Variants in SIPA1L1 observed in about 807,000 individuals in gnomAD.
The protein encoded by SIPA1L1 is signal induced proliferation associated 1 like 1, also known as signal-induced proliferation-associated 1-like protein 1.
In SIPA1L1, 26 loss-of-function variants were observed where a neutral mutation model predicts 162.7. That is an observed-to-expected ratio of 0.16 (90% CI 0.12 to 0.22). The LOEUF (loss-of-function observed/expected upper bound fraction) is 0.22. Ranked by LOEUF, SIPA1L1 falls within the 10% of genes least tolerant of loss-of-function variation. SIPA1L1 has a pLI of 1.00. For missense variants in SIPA1L1, 1,874 were observed against 2,241.0 expected (o/e 0.84, Z 3.31); for synonymous variants, 829 against 837.4 (o/e 0.99, Z 0.17).
Position 71,740,998 on chromosome 14 carries a change from C to A in SIPA1L1, c.*1837C>A, listed in dbSNP as rs566948796. 1 of 152,252 alleles carries A rather than the reference C, an allele frequency of 6.6e-6. No homozygotes were observed. Among genetic ancestry groups the A allele is most frequent in the South Asian group, 2.1e-4 (1 of 4,830 alleles). The allele number at this position is 152,252 out of a possible 1,614,324, so 9.4% of individuals were successfully genotyped here. A position where few individuals can be genotyped will look rare whatever the true frequency, so the allele number is the denominator to read the frequency against. On this transcript the variant is annotated 3_prime_UTR_variant, in exon 24 of 24. Transcript: ENST00000381232. ...TCTTGTTTGAAGCCTCTAAAGACTACCTGTAAAATTCAAAGAATAAAATTC... is the reference window on the plus strand; with the variant it reads ...TCTTGTTTGAAGCCTCTAAAGACTAACTGTAAAATTCAAAGAATAAAATTC...
intron 3 of SIPA1L1, among the ~76,000 whole-genome samples, chr14:71,520,093 C>A (rs2052160579): frequency 6.6e-6 from 1 of 151,996 alleles, no homozygotes; most frequent in African/African-American, 2.4e-5. Flanking sequence ...CAGAGCAAGA[C>A]CCTGTCTCAA....
intron 21 of SIPA1L1, 33 bp from the exon 22 acceptor site, chr14:71,735,244 A>C (rs760001749): frequency 6.7e-7 from 1 of 1,501,674 alleles, no homozygotes. Context: ...ATGTGGTTCC[A>C]AAATACTAAA....
chr14:71,499,231 A>G (rs1246055204), intron 2 of SIPA1L1, among the ~76,000 whole-genome samples: 1 of 152,170 alleles, frequency 6.6e-6, no homozygotes, highest in Non-Finnish European at 1.5e-5. Context: ...GCCTGTAGCT[A>G]CCTGGTAGGG....
chr14:71,417,161 G>T (rs2042830337), intron 2 of SIPA1L1, among the ~76,000 whole-genome samples: 1 of 152,024 alleles, frequency 6.6e-6, no homozygotes, highest in African/African-American at 2.4e-5. Context: ...TATGTTATAT[G>T]TATTATATAC....
intron 2 of SIPA1L1, among the ~76,000 whole-genome samples, chr14:71,373,310 C>CAAA (rs75480788): frequency 2.7e-5 from 2 of 74,116 alleles, no homozygotes; most frequent in South Asian, 3.8e-4. Context: ...GACTCCGTCT[C>CAAA]AAAAAAAAAA....
intron 12 of SIPA1L1, among the ~76,000 whole-genome samples, chr14:71,682,511 T>C (rs1006322558): frequency 1.3e-5 from 2 of 152,258 alleles, no homozygotes; most frequent in Non-Finnish European, 1.5e-5. Context: ...CAGAACCTTC[T>C]GTGCTTATTC....
chr14:71,610,798 C>T (rs1428654229), intron 5 of SIPA1L1, among the ~76,000 whole-genome samples: 1 of 152,020 alleles, frequency 6.6e-6, no homozygotes, highest in Non-Finnish European at 1.5e-5. Context: ...AATTAGAGGC[C>T]TATTAGGTGC....
At chr14:71,366,092 A>G (rs897749942) in intron 2 of SIPA1L1, among the ~76,000 whole-genome samples, 1 of 152,114 alleles carries the variant, frequency 6.6e-6, no homozygotes, top group Admixed American at 6.6e-5. Context: ...AAGTCCTGAT[A>G]GCCCAGACCA....
intron 13 of SIPA1L1, among the ~76,000 whole-genome samples, chr14:71,691,473 A>C (rs1430161015): frequency 1.3e-5 from 2 of 152,158 alleles, no homozygotes; most frequent in African/African-American, 4.8e-5. Context: ...ACATGCCTGT[A>C]GTCTCAGCTA....
chr14:71,566,520 G>A lies in SIPA1L1; in HGVS notation c.-302-21051G>A, dbSNP rs150150289. Among the ~76,000 whole-genome samples the A allele has an allele frequency of 6.7e-4, 102 of 152,232 alleles. 1 individual carries two copies. The East Asian group carries it at 0.018, about 27-fold the overall frequency. ...TTGAATTGGTGTGGCATTAGCACAC[G>A]GAGAGAGAAATGCACCATCAAAACA... is the stretch of plus-strand genomic sequence containing the variant. On this transcript the variant is annotated intron_variant, in intron 4 of 23. Transcript: ENST00000381232.
At chr14:71,652,982 CAT>C (rs2042754577) in intron 8 of SIPA1L1, among the ~76,000 whole-genome samples, 1 of 151,940 alleles carries the variant, frequency 6.6e-6, no homozygotes, top group African/African-American at 2.4e-5. Flanking sequence ...TACTTCCTCA[CAT>C]GTCTGGTTGT....
chr14:71,707,123 A>ACACACACG (rs2082507348), intron 16 of SIPA1L1, among the ~76,000 whole-genome samples: 1 of 151,290 alleles, frequency 6.6e-6, no homozygotes, highest in East Asian at 1.9e-4. Flanking sequence ...ACCAAAAGAC[A>ACACACACG]CACACACGCA....
rs1474841622 is a variant in SIPA1L1, at chr14:71,652,962, G to A, written c.1993+2453G>A. On this transcript the variant is annotated intron_variant, in intron 8 of 23. Transcript: ENST00000381232. ...TTTCTTTTTTTAATGGGGTTCCTTTGTATATATTTTACTTCCTCACATGTC... is the reference window on the plus strand; with the variant it reads ...TTTCTTTTTTTAATGGGGTTCCTTTATATATATTTTACTTCCTCACATGTC... 2.0e-5 allele frequency among the ~76,000 whole-genome samples: 3 copies of A among 151,596 alleles called. No homozygotes were observed. In the South Asian group the frequency reaches 6.2e-4, roughly 32 times the overall value.
chr14:71,416,057 G>T (rs2042736957), intron 2 of SIPA1L1: 1 of 152,088 alleles, frequency 6.6e-6, no homozygotes, highest in South Asian at 2.1e-4. Context: ...ACAGTTTTGA[G>T]CAGGCACCTT....
At chr14:71,628,353 T>A (rs1339310411) in intron 7 of SIPA1L1, among the ~76,000 whole-genome samples, 1 of 152,236 alleles carries the variant, frequency 6.6e-6, no homozygotes, top group Non-Finnish European at 1.5e-5. Context: ...TGTAAAGCAC[T>A]TAGTACAGTG....
chr14:71,466,619 C>T lies in SIPA1L1; in HGVS notation c.-464-46124C>T, dbSNP rs2047017572. 1.3e-5 allele frequency among the ~76,000 whole-genome samples: 2 copies of T among 149,632 alleles called. 1 individual carries two copies. Among genetic ancestry groups the T allele is most frequent in the South Asian group, 4.2e-4 (2 of 4,722 alleles). Reference sequence around the variant, plus strand: ...AAACAGTAATAAAATTCACTGTGTTCTAATTGTGTCCTCATAGCAGCGTTA... The same window carrying T: ...AAACAGTAATAAAATTCACTGTGTTTTAATTGTGTCCTCATAGCAGCGTTA... On this transcript the variant is annotated intron_variant, in intron 2 of 23. Transcript: ENST00000381232.
chr14:71,497,171 A>T (rs1252484243), intron 2 of SIPA1L1, among the ~76,000 whole-genome samples: 1 of 149,394 alleles, frequency 6.7e-6, no homozygotes, highest in Non-Finnish European at 1.5e-5. Context: ...CTCCATCTCA[A>T]AAAACAAACA....
chr14:71,491,943 G>A (rs1175875872), intron 2 of SIPA1L1, among the ~76,000 whole-genome samples: 1 of 151,994 alleles, frequency 6.6e-6, no homozygotes, highest in Non-Finnish European at 1.5e-5. Flanking sequence ...GTGCGTGTGT[G>A]GGAAAAATGC....
chr14:71,390,751 C>T (rs1184278881), intron 2 of SIPA1L1, among the ~76,000 whole-genome samples: 2 of 152,144 alleles, frequency 1.3e-5, no homozygotes, highest in African/African-American at 4.8e-5. Context: ...CACCACTACC[C>T]TTCAGCCTGG....
Sources: allele counts gnomAD v4.1 joint callset (sites outside exome capture counted in the v4.1 genomes callset), GRCh38; gene constraint gnomAD v4.1.1; transcripts MANE v1.5; gene names NCBI Gene and HGNC (gene_info 2026-07-23, HGNC 2026-07-21).